Variants in PPA1 observed in about 807,000 individuals in gnomAD.
PPA1 encodes inorganic pyrophosphatase 1.
PPA1 carries 23 observed loss-of-function variants against 41.8 expected under a neutral mutation model. The ratio of observed to expected loss-of-function variants is 0.55; its 90% CI spans 0.40 to 0.78. The LOEUF (loss-of-function observed/expected upper bound fraction) is 0.78. Among genes scored for constraint, PPA1 ranks in the 30% least tolerant of loss-of-function variants. The pLI is 0.00. For missense variants in PPA1, 320 were observed against 361.6 expected (o/e 0.89, Z 0.93); for synonymous variants, 101 against 116.8 (o/e 0.86, Z 0.87).
In PPA1 at chr10:70,203,026, C is replaced by T. The variant is rs1839899795; in HGVS notation, c.*129G>A. 2.2e-6 allele frequency: 2 copies of T among 903,286 alleles called. No individual in the cohort carries two copies. Among genetic ancestry groups the T allele is most frequent in the East Asian group, 2.4e-5 (1 of 41,294 alleles). 56.0% of individuals were successfully genotyped at this position (903,286 alleles called of 1,614,324 possible). ...AACATTCTGAGTATATTGGATTAGT[C>T]ACAGCAGAATTTACTTTAGTTAGAT... On this transcript the variant is annotated 3_prime_UTR_variant, in exon 11 of 11. Coordinates refer to ENST00000373232, the MANE Select transcript of PPA1 (RefSeq NM_021129.4).
At chr10:70,204,844 A>C (rs778095691) in intron 10 of PPA1, 29 bp downstream of exon 10, 6 of 1,546,394 alleles carry the variant, frequency 3.9e-6, no homozygotes, top group Non-Finnish European at 8.8e-7. Context: ...GTAATGTTTA[A>C]TGAAATTTTA....
At position 70,206,282 on chromosome 10, in the gene PPA1, G is replaced by A; in HGVS notation, c.777C>T (p.Ala259=). The A allele has an allele frequency of 6.2e-7, 1 of 1,612,794 alleles. No individual in the cohort carries two copies. The highest frequency in any genetic ancestry group is 2.2e-5 in the East Asian group (1 of 44,854). Residue 259 remains alanine (A), a synonymous_variant, in exon 9 of 11, where the codon GCC becomes GCT. Transcript: ENST00000373232. The part of the protein sequence containing the change: ...ESPFKCDPDA[A]RAIVDALPPP... ...TACATACAGCATCCACAATGGCTCT[G>A]GCAGCATCAGGATCACACTTGAAGG...
chr10:70,220,513 T>TAA (rs1248986530), intron 2 of PPA1, among the ~76,000 whole-genome samples: 1 of 100,530 alleles, frequency 9.9e-6, no homozygotes, highest in African/African-American at 3.8e-5. Context: ...TTTATATATA[T>TAA]AAATTATATA....
intron 4 of PPA1, among the ~76,000 whole-genome samples, chr10:70,215,987 T>C (rs897210064): frequency 6.6e-6 from 1 of 152,130 alleles, no homozygotes; most frequent in Non-Finnish European, 1.5e-5. Flanking sequence ...TTGCATTGGT[T>C]CTTTTTTCCT....
chr10:70,211,048 C>G (rs1041889081), intron 6 of PPA1, among the ~76,000 whole-genome samples: 2 of 152,210 alleles, frequency 1.3e-5, no homozygotes, highest in African/African-American at 4.8e-5. Flanking sequence ...CAGGCGTGAG[C>G]CACCGCGCCC....
chr10:70,223,841 A>G (rs1384792662), intron 2 of PPA1, among the ~76,000 whole-genome samples: 1 of 152,156 alleles, frequency 6.6e-6, no homozygotes, highest in Admixed American at 6.5e-5. Context: ...TTCAGCTTTT[A>G]CTTAGCTGGA....
intron 4 of PPA1, 61 bp downstream of exon 4, chr10:70,217,751 G>A: frequency 3.7e-6 from 5 of 1,343,254 alleles, no homozygotes; most frequent in Non-Finnish European, 4.9e-6. Flanking sequence ...TTTACTAATA[G>A]CAGTAAATTA....
chr10:70,215,829 G>A (rs546054846), intron 4 of PPA1, among the ~76,000 whole-genome samples: 7 of 152,220 alleles, frequency 4.6e-5, no homozygotes, highest in East Asian at 1.9e-4. Flanking sequence ...CCAGGAGCCC[G>A]GACTGAAAAG....
chr10:70,220,678 TA>T (rs1840138320), intron 2 of PPA1, among the ~76,000 whole-genome samples: 1 of 8,198 alleles, frequency 1.2e-4, no homozygotes, highest in African/African-American at 1.1e-3. Context: ...TTTATATATA[TA>T]TAATATATAT....
rs201320330 is a variant in PPA1, at chr10:70,214,552, G to C, written c.332C>G (p.Thr111Ser). 3.7e-6 allele frequency: 6 copies of C among 1,613,748 alleles called. No individual in the cohort carries two copies. The East Asian group carries it at 1.3e-4, about 36-fold the overall frequency. The change falls in exon 5 of 11, where the codon ACT becomes AGT. Residue 111 changes from threonine to serine, a missense_variant. By Grantham distance (58) the Thr-to-Ser change is moderately conservative (BLOSUM62 1). Coordinates refer to ENST00000373232, the MANE Select transcript of PPA1 (RefSeq NM_021129.4). ...TGGGTCATTGTCACCACAACAGCCAGTATGTTTATCATTGTGCCCTGGGTC... is the reference window on the plus strand; with the variant it reads ...TGGGTCATTGTCACCACAACAGCCACTATGTTTATCATTGTGCCCTGGGTC... ...WEDPGHNDKHTGCCGDNDPID... is the reference protein window; with the variant it reads ...WEDPGHNDKHSGCCGDNDPID...
intron 4 of PPA1, among the ~76,000 whole-genome samples, chr10:70,216,404 T>C (rs1840081899): frequency 6.6e-6 from 1 of 150,550 alleles, no homozygotes; most frequent in Non-Finnish European, 1.5e-5. Context: ...AGAGAATCAC[T>C]CGAACCTGAG....
intron 4 of PPA1, among the ~76,000 whole-genome samples, chr10:70,216,661 C>A (rs560215930): frequency 1.2e-4 from 19 of 152,166 alleles, no homozygotes; most frequent in Admixed American, 3.9e-4. Context: ...AAAAACAAAC[C>A]ATTTATCAAC....
At chr10:70,232,383 G>C (rs1030775972) in intron 1 of PPA1, among the ~76,000 whole-genome samples, 2 of 152,072 alleles carry the variant, frequency 1.3e-5, no homozygotes, top group East Asian at 1.9e-4. Flanking sequence ...AGCTGGGGGT[G>C]GGGGGAGTAA....
chr10:70,223,447 T>C (rs1215406540), intron 2 of PPA1, among the ~76,000 whole-genome samples: 2 of 152,174 alleles, frequency 1.3e-5, no homozygotes, highest in Non-Finnish European at 2.9e-5. Context: ...CTCTAATTCC[T>C]AGCCTCAAGT....
chr10:70,225,762 G>C (rs1840223627), intron 2 of PPA1, among the ~76,000 whole-genome samples: 1 of 151,522 alleles, frequency 6.6e-6, no homozygotes, highest in South Asian at 2.1e-4. Context: ...CTTTCGAAAA[G>C]GTATACCAGA....
chr10:70,217,948 T>G lies in PPA1; in HGVS notation c.178-17A>C. On this transcript the variant is annotated splice_polypyrimidine_tract_variant and intron_variant, in intron 3 of 10. Transcript: ENST00000373232. ...TGTAGCAATCTGAAATAAGAAAATT[T>G]CAAATCTTTGCATATTTGGATGTGA... 1 of 1,525,530 alleles carries G rather than the reference T, an allele frequency of 6.6e-7. No individual in the cohort carries two copies. Among genetic ancestry groups the G allele is most frequent in the South Asian group, 1.2e-5 (1 of 80,274 alleles). The allele number at this position is 1,525,530 out of a possible 1,614,324, so 94.5% of individuals were successfully genotyped here.
At chr10:70,209,999 T>C in intron 6 of PPA1, 1 of 338,214 alleles carries the variant, frequency 3.0e-6, no homozygotes, top group Non-Finnish European at 5.5e-6. Context: ...AAACAGCTGG[T>C]GGCTACATAA....
intron 2 of PPA1, among the ~76,000 whole-genome samples, chr10:70,220,253 C>CTTT (rs33951004): frequency 8.3e-6 from 1 of 119,910 alleles, no homozygotes; most frequent in African/African-American, 3.2e-5. Flanking sequence ...ATAAAAAGTA[C>CTTT]TTTTTTTTTT....
intron 2 of PPA1, among the ~76,000 whole-genome samples, chr10:70,221,074 A>ATTT (rs1186265851): frequency 9.6e-5 from 2 of 20,830 alleles, no homozygotes; most frequent in African/African-American, 6.4e-4. Context: ...ATATATATAT[A>ATTT]TATTTTTTTT....
Sources: allele counts gnomAD v4.1 joint callset (sites outside exome capture counted in the v4.1 genomes callset), GRCh38; gene constraint gnomAD v4.1.1; transcripts MANE v1.5; gene names NCBI Gene and HGNC (gene_info 2026-07-23, HGNC 2026-07-21).